Variants in PPIP5K2 observed in about 807,000 individuals in gnomAD.
PPIP5K2 encodes the protein diphosphoinositol pentakisphosphate kinase 2.
PPIP5K2 carries 105 observed loss-of-function variants against 154.6 expected under a neutral mutation model. That is an observed-to-expected ratio of 0.68 (90% confidence interval 0.58 to 0.80). PPIP5K2 has a LOEUF of 0.80. Among genes scored for constraint, PPIP5K2 ranks in the 30% least tolerant of loss-of-function variants. The pLI, the probability that PPIP5K2 is intolerant of heterozygous loss-of-function variation, is 0.00. For synonymous variants in PPIP5K2, 480 were observed against 490.3 expected (o/e 0.98, Z 0.28); for missense variants, 992 against 1,504.6 (o/e 0.66, Z 5.64).
chr5:103,155,870 C>A (rs782472276), intron 13 of PPIP5K2, 39 bp from the exon 14 acceptor site: 4 of 1,300,956 alleles, frequency 3.1e-6, no homozygotes, highest in Non-Finnish European at 4.4e-6. Context: ...ATTAGTTTTT[C>A]CCTACATGTT....
At chr5:103,141,879 A>G (rs1035071384) in intron 5 of PPIP5K2, among the ~76,000 whole-genome samples, 7 of 152,166 alleles carry the variant, frequency 4.6e-5, no homozygotes, top group African/African-American at 1.7e-4. Flanking sequence ...CTTGAGCTAA[A>G]CACAGGGTGC....
chr5:103,170,909 A>G (rs961832070), intron 19 of PPIP5K2, among the ~76,000 whole-genome samples: 1 of 151,582 alleles, frequency 6.6e-6, no homozygotes, highest in South Asian at 2.1e-4. Flanking sequence ...TCAGCCAAAT[A>G]ATACAAAGTT....
chr5:103,181,422 G>T (rs1330497877), intron 24 of PPIP5K2, among the ~76,000 whole-genome samples: 1 of 151,940 alleles, frequency 6.6e-6, no homozygotes, highest in African/African-American at 2.4e-5. Context: ...ATAAAAATTA[G>T]CTGGGCTTGG....
At chr5:103,153,969 T>TA in intron 11 of PPIP5K2, 35 bp downstream of exon 11, 3 of 1,444,424 alleles carry the variant, frequency 2.1e-6, no homozygotes. Flanking sequence ...ACATGCATGA[T>TA]ACAATTTTAA....
intron 17 of PPIP5K2, among the ~76,000 whole-genome samples, chr5:103,162,778 A>G (rs1562446213): frequency 2.0e-5 from 3 of 152,106 alleles, no homozygotes; most frequent in Admixed American, 1.3e-4. Flanking sequence ...TTCGGAGAAG[A>G]GGCCATAAGA....
chr5:103,193,759 G>C (rs1554227598), intron 29 of PPIP5K2, among the ~76,000 whole-genome samples: 1 of 152,110 alleles, frequency 6.6e-6, no homozygotes, highest in Non-Finnish European at 1.5e-5. Flanking sequence ...AGGCACATTT[G>C]CCATAACTAG....
rs70990423 is a variant in PPIP5K2 at position 103,155,406 on chromosome 5, C to CT, written c.1404-465dup. The stretch of plus-strand genomic sequence containing the variant: ...CTGTACTTTATCTCTTCAGAGTTGT[C>CT]TTTTTTTTTTTTTTTTTTTTTTTTT... On this transcript the variant is annotated intron_variant, in intron 13 of 30. Coordinates refer to ENST00000358359, the MANE Select transcript of PPIP5K2 (RefSeq NM_001276277.3). 1.4e-3 allele frequency among the ~76,000 whole-genome samples: 30 copies of CT among 21,086 alleles called. 11 individuals carry two copies. The highest frequency in any genetic ancestry group is 2.4e-3 in the Non-Finnish European group (19 of 7,856). 13.8% of individuals were successfully genotyped at this position (21,086 alleles called of 152,430 possible).
At chr5:103,199,223 A>G (rs1298635352) in intron 30 of PPIP5K2, among the ~76,000 whole-genome samples, 2 of 152,058 alleles carry the variant, frequency 1.3e-5, no homozygotes, top group African/African-American at 4.8e-5. Flanking sequence ...TTATCCATAT[A>G]TTTGCCATAT....
chr5:103,191,293 A>G (rs562265284), intron 29 of PPIP5K2, among the ~76,000 whole-genome samples: 65 of 152,152 alleles, frequency 4.3e-4, no homozygotes, highest in Non-Finnish European at 7.5e-4. Context: ...TCATATTCCT[A>G]TTGTATATCA....
chr5:103,201,694 C>A lies in PPIP5K2; in HGVS notation c.*60C>A. On this transcript the variant is annotated 3_prime_UTR_variant, in exon 31 of 31. Transcript: ENST00000358359. ...AAAAATAGTATGTTCTTATGTTTCT[C>A]CTTATGCATTTATGTGTTCACTTAA... 3 of 1,191,598 alleles carry A rather than the reference C, an allele frequency of 2.5e-6. No homozygotes were observed. Among genetic ancestry groups the A allele is most frequent in the South Asian group, 1.5e-5 (1 of 67,998 alleles). The allele number at this position is 1,191,598 out of a possible 1,614,324, so 73.8% of individuals were successfully genotyped here. A position where few individuals can be genotyped will look rare whatever the true frequency, so the allele number is the denominator to read the frequency against.
Position 103,136,757 on chromosome 5 carries a change from C to T in PPIP5K2, c.336C>T (p.Ala112=). 6.2e-7 allele frequency: 1 copy of T among 1,613,402 alleles called. No homozygotes were observed. The highest frequency in any genetic ancestry group is 1.7e-4 in the Middle Eastern group (1 of 6,058). The change falls in exon 4 of 31, where the codon GCC becomes GCT. Residue 112 remains alanine, a synonymous_variant. Coordinates refer to ENST00000358359, the MANE Select transcript of PPIP5K2 (RefSeq NM_001276277.3). The part of the protein sequence containing the change: ...SKGFPLDKAV[A]YAKLRNPFVI... ...GATTTCCACTGGACAAAGCGGTTGC[C>T]TATGCAAAACTCAGGAATCCATTTG...
At chr5:103,198,855 C>G (rs577422932) in intron 30 of PPIP5K2, among the ~76,000 whole-genome samples, 1 of 152,070 alleles carries the variant, frequency 6.6e-6, no homozygotes, top group Admixed American at 6.5e-5. Context: ...GATTATTATA[C>G]CTTTATTCTT....
chr5:103,136,615 G>A, intron 3 of PPIP5K2, 117 bp from the exon 4 acceptor site: 1 of 725,826 alleles, frequency 1.4e-6, no homozygotes. Context: ...TTTTATAGAA[G>A]GGTGTTATGT....
In PPIP5K2 at chr5:103,153,749, G is replaced by T. The variant is rs1794987926; in HGVS notation, c.1131-99G>T. The T allele has an allele frequency of 9.6e-6, 7 of 731,866 alleles. No homozygotes were observed. The Admixed American group carries it at 2.1e-4, about 22-fold the overall frequency. The allele number at this position is 731,866 out of a possible 1,614,324, so 45.3% of individuals were successfully genotyped here. ...TGGGAAAGATCTTGAAGTGGTAAAA[G>T]ATGGCTTTAAATAGATGACTAAATG... On this transcript the variant is annotated intron_variant, in intron 10 of 30. Transcript: ENST00000358359.
chr5:103,148,218 G>A (rs1562408848), intron 7 of PPIP5K2, 186 bp downstream of exon 7: 1 of 644,928 alleles, frequency 1.6e-6, no homozygotes, highest in African/African-American at 1.8e-5. Context: ...TTTTTTAAGA[G>A]TAGTGTTTTT....
chr5:103,177,849 T>C lies in PPIP5K2; in HGVS notation c.2638-15T>C. ...AAAGTTTCTCATTTTGAAAATGTTC[T>C]GTCATATTTCTTAGGATCTTTCCTC... On this transcript the variant is annotated splice_polypyrimidine_tract_variant and intron_variant, in intron 22 of 30. Coordinates refer to ENST00000358359, the MANE Select transcript of PPIP5K2 (RefSeq NM_001276277.3). 1 of 1,604,434 alleles carries C rather than the reference T, an allele frequency of 6.2e-7. No individual in the cohort carries two copies. Among genetic ancestry groups the C allele is most frequent in the Non-Finnish European group, 8.5e-7 (1 of 1,171,892 alleles).
chr5:103,134,531 A>C (rs1554203597), intron 3 of PPIP5K2, among the ~76,000 whole-genome samples: 4 of 152,182 alleles, frequency 2.6e-5, no homozygotes, highest in Admixed American at 1.3e-4. Context: ...TCATTATTTC[A>C]TAGAGAAGTC....
intron 17 of PPIP5K2, among the ~76,000 whole-genome samples, chr5:103,161,904 G>T (rs1036386900): frequency 6.6e-6 from 1 of 152,090 alleles, no homozygotes; most frequent in Non-Finnish European, 1.5e-5. Context: ...TCTGTAGGTT[G>T]CCTGTTCACT....
chr5:103,146,243 T>C (rs928318880), intron 5 of PPIP5K2, among the ~76,000 whole-genome samples: 4 of 152,058 alleles, frequency 2.6e-5, no homozygotes, highest in African/African-American at 9.7e-5. Flanking sequence ...TACTTCTCAG[T>C]CTTTCTTGAT....
Sources: allele counts gnomAD v4.1 joint callset (sites outside exome capture counted in the v4.1 genomes callset), GRCh38; gene constraint gnomAD v4.1.1; transcripts MANE v1.5; gene names NCBI Gene and HGNC (gene_info 2026-07-23, HGNC 2026-07-21).